The following BMPR1B variants were observed in gnomAD, a reference collection of about 807,000 sequenced individuals.
BMPR1B encodes bone morphogenetic protein receptor type-1B.
Under a neutral mutation model 59.1 loss-of-function variants are expected in BMPR1B, and 12 were observed. The ratio of observed to expected loss-of-function variants is 0.20; its 90% CI spans 0.13 to 0.33. The LOEUF is 0.33. Among genes scored for constraint, BMPR1B ranks in the 10% least tolerant of loss-of-function variants. BMPR1B has a pLI of 1.00. For missense variants in BMPR1B, 550 were observed against 610.9 expected (o/e 0.90, Z 1.05); for synonymous variants, 237 against 207.3 (o/e 1.14, Z -1.23).
chr4:94,826,544 G>A (rs1378215778), intron 1 of BMPR1B, among the ~76,000 whole-genome samples: 1 of 151,836 alleles, frequency 6.6e-6, no homozygotes, highest in Admixed American at 6.6e-5. Context: ...ATGTGGAATC[G>A]TTGAAATTCC....
At chr4:94,852,147 A>G (rs1289887462) in intron 1 of BMPR1B, among the ~76,000 whole-genome samples, 3 of 152,160 alleles carry the variant, frequency 2.0e-5, no homozygotes, top group African/African-American at 7.2e-5. Context: ...AGTTACTACA[A>G]GTGGATTAGG....
At chr4:94,966,257 T>A (rs535179752) in intron 2 of BMPR1B, among the ~76,000 whole-genome samples, 1 of 152,282 alleles carries the variant, frequency 6.6e-6, no homozygotes, top group Non-Finnish European at 1.5e-5. Flanking sequence ...GAGCTAAAAT[T>A]AGCTTTAAAC....
intron 10 of BMPR1B, among the ~76,000 whole-genome samples, chr4:95,144,490 TA>T (rs1210564583): frequency 1.3e-5 from 2 of 148,856 alleles, no homozygotes; most frequent in African/African-American, 5.1e-5. Flanking sequence ...TTTTTTTTTT[TA>T]AAAAAAATAC....
intron 1 of BMPR1B, among the ~76,000 whole-genome samples, chr4:94,791,217 G>A (rs1417967849): frequency 6.6e-6 from 1 of 152,086 alleles, no homozygotes; most frequent in Non-Finnish European, 1.5e-5. Flanking sequence ...TCGAACTCCT[G>A]ATCTCAAGTG....
chr4:95,016,255 G>A (rs1393844919), intron 3 of BMPR1B, among the ~76,000 whole-genome samples: 1 of 151,964 alleles, frequency 6.6e-6, no homozygotes, highest in Non-Finnish European at 1.5e-5. Flanking sequence ...TTACAAGTGT[G>A]ATTTTTTTTT....
At chr4:95,113,657 G>A (rs1184124434) in intron 4 of BMPR1B, among the ~76,000 whole-genome samples, 1 of 152,096 alleles carries the variant, frequency 6.6e-6, no homozygotes, top group African/African-American at 2.4e-5. Flanking sequence ...AGAGTCTGCT[G>A]GCATTCATCA....
At chr4:95,032,839 A>G (rs1160136970) in intron 3 of BMPR1B, among the ~76,000 whole-genome samples, 3 of 152,166 alleles carry the variant, frequency 2.0e-5, no homozygotes, top group African/African-American at 4.8e-5. Flanking sequence ...TGCTGTGAAC[A>G]TGGGCATACA....
chr4:95,115,615 T>A, intron 5 of BMPR1B, 70 bp from the exon 6 acceptor site: 1 of 1,312,574 alleles, frequency 7.6e-7, no homozygotes, highest in Non-Finnish European at 1.1e-6. Flanking sequence ...TGACTATTTT[T>A]AAAGTTTTAG....
chr4:94,872,411 A>C (rs944887595), intron 1 of BMPR1B, among the ~76,000 whole-genome samples: 1 of 152,230 alleles, frequency 6.6e-6, no homozygotes, highest in African/African-American at 2.4e-5. Flanking sequence ...TAGCACGTTT[A>C]GTGATGATTG....
At chr4:94,997,663 G>C (rs1185979519) in intron 3 of BMPR1B, among the ~76,000 whole-genome samples, 2 of 151,802 alleles carry the variant, frequency 1.3e-5, no homozygotes, top group Non-Finnish European at 2.9e-5. Flanking sequence ...CATTTTATTA[G>C]TGGGTTTGAT....
intron 1 of BMPR1B, among the ~76,000 whole-genome samples, chr4:94,781,506 A>G (rs954584100): frequency 7.2e-5 from 11 of 152,018 alleles, no homozygotes; most frequent in African/African-American, 2.7e-4. Context: ...TCCACCTCCC[A>G]GATTCAAGCG....
intron 2 of BMPR1B, among the ~76,000 whole-genome samples, chr4:94,950,033 A>G (rs1331884534): frequency 6.6e-6 from 1 of 152,120 alleles, no homozygotes; most frequent in Non-Finnish European, 1.5e-5. Context: ...GCATTTCTCT[A>G]ATGACCAGTG....
At chr4:94,855,516 C>A (rs1725723258) in intron 1 of BMPR1B, among the ~76,000 whole-genome samples, 1 of 152,178 alleles carries the variant, frequency 6.6e-6, no homozygotes, top group African/African-American at 2.4e-5. Flanking sequence ...CTCTTCCCAT[C>A]TCTTTTAAAA....
intron 3 of BMPR1B, among the ~76,000 whole-genome samples, chr4:95,077,805 A>G (rs1728825357): frequency 6.6e-6 from 1 of 152,242 alleles, no homozygotes; most frequent in East Asian, 1.9e-4. Context: ...TAACATACAC[A>G]TATATATTCA....
intron 10 of BMPR1B, among the ~76,000 whole-genome samples, chr4:95,139,253 G>C (rs1042169859): frequency 1.3e-5 from 2 of 152,154 alleles, no homozygotes; most frequent in African/African-American, 4.8e-5. Flanking sequence ...GGCAAATGTT[G>C]CTGCCTGATC....
At chr4:94,855,029 A>G (rs1024256229) in intron 1 of BMPR1B, among the ~76,000 whole-genome samples, 3 of 152,180 alleles carry the variant, frequency 2.0e-5, no homozygotes, top group African/African-American at 4.8e-5. Flanking sequence ...GGCACCAACC[A>G]TAATAATCTA....
At chr4:94,855,555 G>A (rs1725724504) in intron 1 of BMPR1B, among the ~76,000 whole-genome samples, 1 of 152,058 alleles carries the variant, frequency 6.6e-6, no homozygotes. Context: ...ACAAAAATAC[G>A]GGATAATTAA....
At chr4:94,853,315 A>G (rs1377774993) in intron 1 of BMPR1B, among the ~76,000 whole-genome samples, 1 of 152,182 alleles carries the variant, frequency 6.6e-6, no homozygotes, top group East Asian at 1.9e-4. Flanking sequence ...ATTTTAATTT[A>G]TTGAAATACT....
intron 1 of BMPR1B, among the ~76,000 whole-genome samples, chr4:94,803,146 G>A (rs1338962804): frequency 6.6e-6 from 1 of 152,048 alleles, no homozygotes. Flanking sequence ...TGGCTGTTGC[G>A]GGACCATAGA....
Sources: gnomAD v4.1 joint callset for allele counts (sites outside exome capture counted in the v4.1 genomes callset) on GRCh38, gnomAD v4.1.1 for gene constraint, MANE v1.5 for transcripts, NCBI Gene and HGNC (gene_info 2026-07-23, HGNC 2026-07-21) for gene names.